Variants in MATR3 observed in about 807,000 individuals in gnomAD.
MATR3 encodes matrin-3.
In MATR3, 4 loss-of-function variants were observed where a neutral mutation model predicts 85.5. The ratio of observed to expected loss-of-function variants is 0.05; its 90% CI spans 0.02 to 0.11. The LOEUF is 0.11. Among genes scored for constraint, MATR3 ranks in the 10% least tolerant of loss-of-function variants. The pLI is 1.00. For synonymous variants in MATR3, 336 were observed against 343.1 expected, an observed-to-expected ratio of 0.98 and a Z score of 0.23; for missense variants, 685 against 1,016.1, an observed-to-expected ratio of 0.67 and a Z score of 4.43.
At chr5:139,297,598 T>C (rs1754222348) in intron 1 of MATR3, among the ~76,000 whole-genome samples, 1 of 152,362 alleles carries the variant, frequency 6.6e-6, no homozygotes, top group Middle Eastern at 3.4e-3. Flanking sequence ...AAAAGTTACA[T>C]GATAAAGTGC....
intron 1 of MATR3, chr5:139,274,269 C>G (rs1168503127): frequency 2.8e-6 from 1 of 354,868 alleles, no homozygotes; most frequent in East Asian, 7.4e-5. Context: ...GGGTTCGTCC[C>G]CTCGTGATCC....
chr5:139,287,192 C>T (rs1293746037), intron 3 of MATR3, among the ~76,000 whole-genome samples: 1 of 152,192 alleles, frequency 6.6e-6, no homozygotes, highest in African/African-American at 2.4e-5. Context: ...TCCTCATATT[C>T]ACATAATATA....
chr5:139,302,426 T>C (rs764471376), intron 1 of MATR3, among the ~76,000 whole-genome samples: 1 of 152,194 alleles, frequency 6.6e-6, no homozygotes, highest in Non-Finnish European at 1.5e-5. Context: ...ATGAAATAAT[T>C]GTTACAAAAT....
upstream of MATR3, among the ~76,000 whole-genome samples, chr5:139,289,109 G>A (rs115877993): frequency 3.2e-3 from 486 of 152,336 alleles, 3 homozygotes; most frequent in African/African-American, 0.011. Flanking sequence ...CCCAGCCCTT[G>A]ATGAATCCTA....
upstream of MATR3, among the ~76,000 whole-genome samples, chr5:139,291,050 G>C (rs781165366): frequency 6.6e-6 from 1 of 152,096 alleles, no homozygotes; most frequent in Non-Finnish European, 1.5e-5. Context: ...AACCCGGGAC[G>C]CAGAGGTTGC....
At chr5:139,302,980 C>A (rs561150644) in intron 1 of MATR3, among the ~76,000 whole-genome samples, 14 of 149,310 alleles carry the variant, frequency 9.4e-5, no homozygotes, top group African/African-American at 3.4e-4. Flanking sequence ...CCCTGAGTAT[C>A]TCTAGTTTTA....
At chr5:139,288,298 C>G (rs552264357) in intron 3 of MATR3, among the ~76,000 whole-genome samples, 1 of 114,716 alleles carries the variant, frequency 8.7e-6, no homozygotes, top group South Asian at 2.6e-4. Context: ...TGTTATATTT[C>G]TTTTGAATCT....
rs966037362 is a variant in MATR3, at chr5:139,329,881, A to G, written c.*486A>G. The stretch of plus-strand genomic sequence containing the variant: ...TTTGGTTGCATTTCATTTTTGGAGA[A>G]CTTAATTAACGTGAGATTGGCAATT... On this transcript the variant is annotated 3_prime_UTR_variant, in exon 15 of 15. Coordinates refer to ENST00000394805, the MANE Select transcript of MATR3 (RefSeq NM_018834.6). 4.4e-6 allele frequency: 2 copies of G among 454,518 alleles called. No individual in the cohort carries two copies. Among genetic ancestry groups the G allele is most frequent in the Admixed American group, 2.3e-5 (1 of 42,568 alleles). The allele number at this position is 454,518 out of a possible 1,614,324, so 28.2% of individuals were successfully genotyped here.
At chr5:139,328,996 C>T (rs1048574363) in intron 14 of MATR3, among the ~76,000 whole-genome samples, 1 of 151,768 alleles carries the variant, frequency 6.6e-6, no homozygotes, top group Admixed American at 6.6e-5. Context: ...CAGAGCAAAA[C>T]TCTCCCTCAA....
Position 139,316,157 on chromosome 5 carries a change from G to A in MATR3, c.1098G>A (p.Gly366=). The part of the protein sequence containing the change: ...LGPPPPSFHL[G]GPAVGPRGNL... The stretch of plus-strand genomic sequence containing the variant: ...CTCCACCTCCCTCATTTCATCTTGG[G>A]GGACCAGCAGTTGGACCAAGAGGAA... The change falls in exon 5 of 15, where the codon GGG becomes GGA. Residue 366 remains glycine (G), a synonymous_variant. Transcript: ENST00000394805. The A allele has an allele frequency of 6.2e-7, 1 of 1,613,800 alleles. No individual in the cohort carries two copies. The highest frequency in any genetic ancestry group is 8.5e-7 in the Non-Finnish European group (1 of 1,179,864).
At chr5:139,314,759 A>C in intron 3 of MATR3, 23 bp downstream of exon 3, 1 of 1,605,104 alleles carries the variant, frequency 6.2e-7, no homozygotes, top group East Asian at 2.2e-5. Flanking sequence ...AATACCTTTA[A>C]AACATCCTTA....
chr5:139,318,733 C>G (rs1755386848), intron 7 of MATR3, among the ~76,000 whole-genome samples, 175 bp from the exon 8 acceptor site: 1 of 152,264 alleles, frequency 6.6e-6, no homozygotes, highest in African/African-American at 2.4e-5. Context: ...GCATGAGATA[C>G]TGGGCCCAGC....
chr5:139,327,671 T>C (rs1755927878), intron 14 of MATR3, among the ~76,000 whole-genome samples: 1 of 152,148 alleles, frequency 6.6e-6, no homozygotes, highest in African/African-American at 2.4e-5. Flanking sequence ...TCCTCCCACC[T>C]CAGCCTCCCA....
intron 2 of MATR3, among the ~76,000 whole-genome samples, chr5:139,277,626 G>A: frequency 6.6e-6 from 1 of 152,048 alleles, no homozygotes; most frequent in East Asian, 1.9e-4. Flanking sequence ...AATAATTCCT[G>A]AGGCTATAGA....
intron 13 of MATR3, 58 bp downstream of exon 13, chr5:139,325,720 G>T: frequency 6.8e-7 from 1 of 1,464,344 alleles, no homozygotes; most frequent in Non-Finnish European, 9.6e-7. Flanking sequence ...AAACTCTTAG[G>T]TTTTAAAATA....
intron 14 of MATR3, among the ~76,000 whole-genome samples, chr5:139,326,545 C>T (rs1755862633): frequency 6.6e-6 from 1 of 151,920 alleles, no homozygotes; most frequent in Admixed American, 6.6e-5. Flanking sequence ...CTCAGCCTCC[C>T]AAGTAGCTGA....
At chr5:139,325,843 T>C (rs776392826) in intron 13 of MATR3, among the ~76,000 whole-genome samples, 181 bp downstream of exon 13, 1 of 152,370 alleles carries the variant, frequency 6.6e-6, no homozygotes, top group Non-Finnish European at 1.5e-5. Flanking sequence ...TGCATGTCTC[T>C]GATTTTGTAT....
At chr5:139,311,283 G>A (rs193183343) in intron 2 of MATR3, 4 of 152,180 alleles carry the variant, frequency 2.6e-5, no homozygotes, top group Admixed American at 2.6e-4. Context: ...GATACATCAA[G>A]GTGAATGTAG....
Position 139,316,065 on chromosome 5 carries a change from C to T in MATR3, c.1017-11C>T, listed in dbSNP as rs1346219488. On this transcript the variant is annotated splice_polypyrimidine_tract_variant and intron_variant, in intron 4 of 14. Coordinates refer to ENST00000394805, the MANE Select transcript of MATR3 (RefSeq NM_018834.6). ...TATTATGATTTATATTTTATGTCTT[C>T]ACTTTACTAGGGGTGATCCATTCAT... The T allele has an allele frequency of 6.5e-7, 1 of 1,539,892 alleles. No homozygotes were observed. The highest frequency in any genetic ancestry group is 9.0e-7 in the Non-Finnish European group (1 of 1,116,548).
Sources: allele counts gnomAD v4.1 joint callset (sites outside exome capture counted in the v4.1 genomes callset), GRCh38; gene constraint gnomAD v4.1.1; transcripts MANE v1.5; gene names NCBI Gene and HGNC (gene_info 2026-07-23, HGNC 2026-07-21).